The following PCDHGB7 variants were observed in gnomAD, a reference collection of about 807,000 sequenced individuals.
PCDHGB7 encodes the protein protocadherin gamma-B7.
Under a neutral mutation model 61.4 loss-of-function variants are expected in PCDHGB7, and 37 were observed. The ratio of observed to expected loss-of-function variants is 0.60; its 90% confidence interval spans 0.46 to 0.79. The LOEUF is 0.79. Ranked by LOEUF, PCDHGB7 falls within the 30% of genes least tolerant of loss-of-function variation. PCDHGB7 has a pLI of 0.00. For synonymous variants in PCDHGB7, 464 were observed against 503.5 expected, an observed-to-expected ratio of 0.92 and a Z score of 1.05; for missense variants, 1,166 against 1,202.5, an observed-to-expected ratio of 0.97 and a Z score of 0.45.
intron 1 of PCDHGB7, among the ~76,000 whole-genome samples, chr5:141,459,176 T>C (rs2098962762): frequency 6.6e-6 from 1 of 152,210 alleles, no homozygotes. Context: ...CTTCAAAAGT[T>C]CCCTCATGCC....
chr5:141,505,089 G>A (rs1562219081), intron 2 of PCDHGB7, among the ~76,000 whole-genome samples: 1 of 152,208 alleles, frequency 6.6e-6, no homozygotes, highest in Non-Finnish European at 1.5e-5. Context: ...TTGAACCCAG[G>A]AGGTGGATGT....
At chr5:141,450,129 C>T (rs1211301953) in intron 1 of PCDHGB7, among the ~76,000 whole-genome samples, 1 of 151,472 alleles carries the variant, frequency 6.6e-6, no homozygotes, top group African/African-American at 2.4e-5. Context: ...GCCTTAGCCT[C>T]CTGAGTAGCT....
In PCDHGB7 at chr5:141,477,453, A is replaced by T; in HGVS notation, c.2416-17354A>T. On this transcript the variant is annotated intron_variant, in intron 1 of 3. Transcript: ENST00000398594. This position sits in a 1 kb window ranked among gnomAD's most constrained non-coding sequence, Gnocchi z 4.9. Reference sequence around the variant, plus strand: ...TCAGCCCTTACAATAGTGCGTGTTCAAGTGTCCGACATCAATGACAACCCT... The same window carrying T: ...TCAGCCCTTACAATAGTGCGTGTTCTAGTGTCCGACATCAATGACAACCCT... The T allele has an allele frequency of 6.2e-7, 1 of 1,614,136 alleles. No homozygotes were observed. The highest frequency in any genetic ancestry group is 8.5e-7 in the Non-Finnish European group (1 of 1,180,026).
rs1160215468 is a variant in PCDHGB7, at chr5:141,420,101, T to C, written c.2242T>C (p.Leu748=). Residue 748 remains leucine (L), a synonymous_variant, in exon 1 of 4, where the codon TTG becomes CTG. Transcript: ENST00000398594. ...TCCCCCCAACTACAGTGAGGGAACG[T>C]TGCCCTATGCCTATAATTTTTGTGT... ...VGPPNYSEGT[L]PYAYNFCVPG... 6.2e-7 allele frequency: 1 copy of C among 1,613,928 alleles called. No individual in the cohort carries two copies. Among genetic ancestry groups the C allele is most frequent in the Non-Finnish European group, 8.5e-7 (1 of 1,179,878 alleles).
intron 1 of PCDHGB7, chr5:141,478,819 C>G (rs927315523): frequency 2.1e-6 from 3 of 1,447,842 alleles, no homozygotes; most frequent in Non-Finnish European, 2.7e-6. Context: ...CACAACTAAC[C>G]AATCTTGCTA....
chr5:141,422,406 T>C, intron 1 of PCDHGB7: 1 of 1,601,224 alleles, frequency 6.2e-7, no homozygotes, highest in South Asian at 1.1e-5. Context: ...ACCTGCCTTT[T>C]AAATTAGAAA....
At position 141,489,076 on chromosome 5, in the gene PCDHGB7, C is replaced by T. The variant is rs536134432; in HGVS notation, c.2416-5731C>T. The T allele has an allele frequency of 6.1e-6, 2 of 326,424 alleles. No individual in the cohort carries two copies. Among genetic ancestry groups the T allele is most frequent in the East Asian group, 5.8e-5 (1 of 17,220 alleles). 20.2% of individuals were successfully genotyped at this position (326,424 alleles called of 1,614,324 possible). On this transcript the variant is annotated intron_variant, in intron 1 of 3. Coordinates refer to ENST00000398594, the MANE Select transcript of PCDHGB7 (RefSeq NM_018927.4). The surrounding 1 kb of genome is among the most constrained non-coding windows in gnomAD (Gnocchi z 4.5). The stretch of plus-strand genomic sequence containing the variant: ...CAGCTCCCCTCCCCCCTGCCCACCC[C>T]CGCCACTCGGTGACTAAGAACTGCT...
rs756761584 is a variant in PCDHGB7 at position 141,476,545 on chromosome 5, G to A, written c.2416-18262G>A. 13 of 1,614,230 alleles carry A rather than the reference G, an allele frequency of 8.1e-6. No homozygotes were observed. The Admixed American group carries it at 2.2e-4, about 27-fold the overall frequency. On this transcript the variant is annotated intron_variant, in intron 1 of 3. Coordinates refer to ENST00000398594, the MANE Select transcript of PCDHGB7 (RefSeq NM_018927.4). This position sits in a 1 kb window ranked among gnomAD's most constrained non-coding sequence, Gnocchi z 7.6. ...TCCCTACCCAGGAAATGAAATTGGA[G>A]ATTAGCGAGGCCGTGGCTCCGGGGA...
intron 1 of PCDHGB7, chr5:141,441,792 G>T: frequency 2.6e-6 from 1 of 389,292 alleles, no homozygotes; most frequent in Non-Finnish European, 5.1e-6. Context: ...GAATGACAAC[G>T]CACCGCGGGT....
Position 141,505,350 on chromosome 5 carries a change from G to A in PCDHGB7, c.2475-43G>A, listed in dbSNP as rs367663588. ...AGAGGACAGGAGGGGCATGAGCTGT[G>A]CCGGCCTGGGAGTCTGTGCTCACCA... On this transcript the variant is annotated intron_variant, in intron 2 of 3. Transcript: ENST00000398594. The A allele has an allele frequency of 4.3e-6, 7 of 1,613,264 alleles. No homozygotes were observed. In the African/African-American group the frequency reaches 6.7e-5, roughly 15 times the overall value.
Position 141,421,845 on chromosome 5 carries a change from G to C in PCDHGB7, c.2415+1571G>C, listed in dbSNP as rs369443134. On this transcript the variant is annotated intron_variant, in intron 1 of 3. Transcript: ENST00000398594. ...AGGGAAGCCTGGACCGAGAGAAAGA[G>C]GCTGCTCACCTGCTCCTCCTCACAG... The C allele has an allele frequency of 1.1e-5, 18 of 1,613,638 alleles. No homozygotes were observed. The African/African-American group carries it at 2.1e-4, about 19-fold the overall frequency.
intron 1 of PCDHGB7, among the ~76,000 whole-genome samples, chr5:141,472,273 G>A (rs2099275685): frequency 6.6e-6 from 1 of 152,170 alleles, no homozygotes; most frequent in South Asian, 2.1e-4. Context: ...CGGGCACAGT[G>A]GCTCACACCT....
At chr5:141,424,841 C>A (rs1303241053) in intron 1 of PCDHGB7, among the ~76,000 whole-genome samples, 1 of 152,126 alleles carries the variant, frequency 6.6e-6, no homozygotes. Context: ...TACATGTTAT[C>A]TGAAGCAATG....
At chr5:141,453,482 A>T (rs979979155) in intron 1 of PCDHGB7, among the ~76,000 whole-genome samples, 1 of 151,990 alleles carries the variant, frequency 6.6e-6, no homozygotes, top group Non-Finnish European at 1.5e-5. Context: ...CAAAACTATT[A>T]AAAAAAGGTG....
At chr5:141,457,098 T>G (rs1179930043) in intron 1 of PCDHGB7, among the ~76,000 whole-genome samples, 1 of 152,242 alleles carries the variant, frequency 6.6e-6, no homozygotes, top group Non-Finnish European at 1.5e-5. Flanking sequence ...AGGATACTAA[T>G]TAAGCAAAAT....
rs184835272 is a variant in PCDHGB7, at chr5:141,470,234, C to A, written c.2416-24573C>A. ...AACCATTCAGCTTCTTCACCAAACC[C>A]TTGAATGTCCCACCTGTCTAAATGG... On this transcript the variant is annotated intron_variant, in intron 1 of 3. Transcript: ENST00000398594. Among the ~76,000 whole-genome samples, 6 of 152,288 alleles carry A rather than the reference C, an allele frequency of 3.9e-5. No individual in the cohort carries two copies. The East Asian group carries it at 9.6e-4, about 24-fold the overall frequency.
rs1193417991 is a variant in PCDHGB7 at position 141,491,413 on chromosome 5, G to C, written c.2416-3394G>C. 5.0e-6 allele frequency: 8 copies of C among 1,613,946 alleles called. No individual in the cohort carries two copies. Among genetic ancestry groups the C allele is most frequent in the African/African-American group, 1.3e-5 (1 of 74,906 alleles). ...CCTTCAGGGAAACGCAGACGGGGAC[G>C]GGGGTGGAGGGCAGTGCTGCAGGCG... On this transcript the variant is annotated intron_variant, in intron 1 of 3. Transcript: ENST00000398594. The surrounding 1 kb of genome is among the most constrained non-coding windows in gnomAD (Gnocchi z 6.9).
intron 1 of PCDHGB7, among the ~76,000 whole-genome samples, chr5:141,480,240 C>CAAA (rs11374694): frequency 1.8e-5 from 2 of 114,046 alleles, no homozygotes; most frequent in Non-Finnish European, 3.8e-5. Context: ...CCTGTCTCTA[C>CAAA]AAAAAAAAAA....
chr5:141,418,245 A>G lies in PCDHGB7; in HGVS notation c.386A>G (p.His129Arg). 5.6e-6 allele frequency: 9 copies of G among 1,614,046 alleles called. No homozygotes were observed. The highest frequency in any genetic ancestry group is 7.6e-6 in the Non-Finnish European group (9 of 1,179,890). The change falls in exon 1 of 4, where the codon CAC becomes CGC. Residue 129 changes from histidine to arginine, a missense_variant. Physicochemically the swap from His to Arg is conservative, Grantham distance 29 (BLOSUM62 0). Transcript: ENST00000398594. ...VIVVIEDVND[H>R]APQFRKDEIN... ...GTGGTGATTGAGGATGTTAATGACC[A>G]CGCCCCTCAATTCCGGAAAGATGAA...
Sources: gnomAD v4.1 joint callset for allele counts (sites outside exome capture counted in the v4.1 genomes callset) on GRCh38, gnomAD v4.1.1 for gene constraint, Gnocchi (gnomAD v3.1) non-coding constraint, MANE v1.5 for transcripts, NCBI Gene and HGNC (gene_info 2026-07-23, HGNC 2026-07-21) for gene names.